The following ADAMTS17 variants were observed in gnomAD, a reference collection of about 807,000 sequenced individuals.
ADAMTS17 encodes A disintegrin and metalloproteinase with thrombospondin motifs 17.
A neutral mutation model predicts 141.5 loss-of-function variants in ADAMTS17; 113 were observed. The observed-to-expected ratio is 0.80, with a 90% CI of 0.69 to 0.93. The LOEUF is 0.93. Among genes scored for constraint, ADAMTS17 ranks in the 40% least tolerant of loss-of-function variants. The pLI is 0.00. For synonymous variants in ADAMTS17, 768 were observed against 630.6 expected (o/e 1.22, Z -3.27); for missense variants, 1,659 against 1,517.9 (o/e 1.09, Z -1.54).
chr15:99,986,304 A>G (rs2060585246), intron 20 of ADAMTS17, among the ~76,000 whole-genome samples: 1 of 152,250 alleles, frequency 6.6e-6, no homozygotes, highest in African/African-American at 2.4e-5. Context: ...CTCCTTGCCT[A>G]GAACACAGAA....
intron 20 of ADAMTS17, among the ~76,000 whole-genome samples, chr15:99,988,792 T>C (rs2060639953): frequency 6.6e-6 from 1 of 152,160 alleles, no homozygotes; most frequent in African/African-American, 2.4e-5. Flanking sequence ...CACAGTGTCC[T>C]TGGCCAGGGA....
intron 18 of ADAMTS17, among the ~76,000 whole-genome samples, chr15:100,038,586 T>C (rs763524601): frequency 2.6e-5 from 4 of 152,228 alleles, no homozygotes; most frequent in Admixed American, 1.3e-4. Flanking sequence ...TTCTTTTTGA[T>C]GTTATTATAG....
intron 8 of ADAMTS17, among the ~76,000 whole-genome samples, chr15:100,169,645 C>T (rs141735483): frequency 1.1e-3 from 160 of 152,284 alleles, no homozygotes; most frequent in Non-Finnish European, 2.0e-3. Context: ...CACACTCAAT[C>T]GAGAGCAAAG....
rs146493130 is a variant in ADAMTS17, at chr15:100,118,651, G to T, written c.1722-1638C>A. 5.8e-3 allele frequency among the ~76,000 whole-genome samples: 877 copies of T among 152,286 alleles called. 4 individuals are homozygous for T. Among genetic ancestry groups the T allele is most frequent in the Non-Finnish European group, 8.6e-3 (587 of 68,018 alleles). ...AAGGGGCCTCGGACAGCCTCCCCAG[G>T]CAGCCTGGGCCAGGTACCATTGGCA... On this transcript the variant is annotated intron_variant, in intron 12 of 21. Transcript: ENST00000268070.
rs1462535803 is a variant in ADAMTS17, at chr15:100,254,177, G to T, written c.1034C>A (p.Thr345Lys). 6.2e-7 allele frequency: 1 copy of T among 1,613,030 alleles called. No homozygotes were observed. Among genetic ancestry groups the T allele is most frequent in the Non-Finnish European group, 8.5e-7 (1 of 1,179,258 alleles). The change falls in exon 7 of 22, where the codon ACA (threonine) becomes AAA (lysine). Residue 345 changes from threonine (T) to lysine (K), a missense_variant and splice_region_variant. Coordinates refer to ENST00000268070, the MANE Select transcript of ADAMTS17 (RefSeq NM_139057.4). The stretch of plus-strand genomic sequence containing the variant: ...TTCATCCTTGTGTACACAGAAATCT[G>T]TCCTAAAAAATAAAAAAGCCATCAT... ...LVDAAVFVTR[T>K]DFCVHKDEPC... is the part of the protein sequence containing the mutation.
chr15:100,015,406 TGC>T (rs1188032165), intron 18 of ADAMTS17, among the ~76,000 whole-genome samples: 3 of 150,850 alleles, frequency 2.0e-5, no homozygotes, highest in African/African-American at 7.5e-5. Flanking sequence ...CTGTGTACCT[TGC>T]TTTTTTTTGT....
chr15:100,278,138 G>T (rs1221425737), intron 4 of ADAMTS17, among the ~76,000 whole-genome samples: 2 of 152,138 alleles, frequency 1.3e-5, no homozygotes, highest in African/African-American at 4.8e-5. Flanking sequence ...GCAGGGGCTG[G>T]GGGAGAGGGA....
chr15:100,184,272 AAAGCTCCAG>A (rs1233261284), intron 8 of ADAMTS17, among the ~76,000 whole-genome samples: 2 of 116,642 alleles, frequency 1.7e-5, no homozygotes, highest in East Asian at 7.6e-4. Flanking sequence ...AAGACTGTGG[AAAGCTCCAG>A]ACTGTGGAAA....
intron 18 of ADAMTS17, among the ~76,000 whole-genome samples, chr15:100,023,241 GC>G (rs2061437447): frequency 6.7e-6 from 1 of 150,314 alleles, no homozygotes; most frequent in Non-Finnish European, 1.5e-5. Context: ...CACTTTTGTT[GC>G]CCAGGATAAA....
intron 7 of ADAMTS17, among the ~76,000 whole-genome samples, chr15:100,245,923 T>C (rs573499140): frequency 6.6e-6 from 1 of 152,148 alleles, no homozygotes; most frequent in African/African-American, 2.4e-5. Flanking sequence ...CTGGTATTTG[T>C]GTGTAGGTAA....
chr15:100,105,655 T>TA (rs1218826860), intron 14 of ADAMTS17, among the ~76,000 whole-genome samples: 2 of 152,138 alleles, frequency 1.3e-5, no homozygotes, highest in African/African-American at 4.8e-5. Context: ...GCTGGTGCCT[T>TA]TGTAAGAAGA....
intron 15 of ADAMTS17, among the ~76,000 whole-genome samples, chr15:100,095,505 C>G (rs1373228659): frequency 6.6e-6 from 1 of 152,104 alleles, no homozygotes; most frequent in Admixed American, 6.6e-5. Flanking sequence ...GGAAAATGAA[C>G]TGAGAAGCTT....
chr15:100,004,617 C>CTTT (rs10591279), intron 18 of ADAMTS17, among the ~76,000 whole-genome samples: 34 of 116,218 alleles, frequency 2.9e-4, no homozygotes, highest in Admixed American at 3.5e-4. Context: ...TACTGTAATT[C>CTTT]TTTTTTTTTT....
intron 15 of ADAMTS17, among the ~76,000 whole-genome samples, chr15:100,085,303 C>A (rs28873091): frequency 0.32 from 46,811 of 147,594 alleles, 9,639 homozygotes; most frequent in East Asian, 0.58. Flanking sequence ...AAAAAGAATA[C>A]AAAGAAACGA....
In ADAMTS17 at chr15:99,993,120, C is replaced by T. The variant is rs758555346; in HGVS notation, c.2877G>A (p.Thr959=). 4.3e-5 allele frequency: 70 copies of T among 1,614,066 alleles called. No homozygotes were observed. In the Middle Eastern group the frequency reaches 6.6e-4, roughly 15 times the overall value. The part of the protein sequence containing the change: ...TNSQGKCDAS[T]RPRAEEACED... ...CGCAGGCCTCCTCGGCTCTCGGCCT[C>T]GTGGATGCGTCGCATTTCCCTTGTG... The change falls in exon 20 of 22, where the codon ACG becomes ACA. Residue 959 remains threonine (T), a synonymous_variant. Transcript: ENST00000268070. The surrounding 1 kb of genome is among the most constrained non-coding windows in gnomAD (Gnocchi z 4.3).
rs2040262573 is a variant in ADAMTS17 at position 100,174,345 on chromosome 15, G to A, written c.1182-19025C>T. On this transcript the variant is annotated intron_variant, in intron 8 of 21. Coordinates refer to ENST00000268070, the MANE Select transcript of ADAMTS17 (RefSeq NM_139057.4). The stretch of plus-strand genomic sequence containing the variant: ...TTCATCTAGATAGTCTGCCCTGACA[G>A]GGAATATTCTAAGGAACAAAGTTCA... 4.0e-5 allele frequency among the ~76,000 whole-genome samples: 6 copies of A among 151,372 alleles called. No individual in the cohort carries two copies. In the South Asian group the frequency reaches 1.2e-3, roughly 31 times the overall value.
At chr15:100,026,185 C>T (rs1476624224) in intron 18 of ADAMTS17, among the ~76,000 whole-genome samples, 1 of 152,150 alleles carries the variant, frequency 6.6e-6, no homozygotes, top group Non-Finnish European at 1.5e-5. Flanking sequence ...TTGTGTCTAG[C>T]TTCTTTATTT....
chr15:100,247,334 T>C (rs904819871), intron 7 of ADAMTS17, among the ~76,000 whole-genome samples: 6 of 152,212 alleles, frequency 3.9e-5, no homozygotes, highest in Admixed American at 2.0e-4. Flanking sequence ...CCAGTAAAAC[T>C]TGATTTGTAT....
chr15:100,172,784 GCT>G (rs1179965953), intron 8 of ADAMTS17, among the ~76,000 whole-genome samples: 7 of 152,204 alleles, frequency 4.6e-5, no homozygotes, highest in African/African-American at 1.4e-4. Context: ...GTTCTGGTGT[GCT>G]CTCACCATTG....
Sources: allele counts gnomAD v4.1 joint callset (sites outside exome capture counted in the v4.1 genomes callset), GRCh38; gene constraint gnomAD v4.1.1; non-coding constraint Gnocchi (gnomAD v3.1); transcripts MANE v1.5; gene names NCBI Gene and HGNC (gene_info 2026-07-23, HGNC 2026-07-21).